Variants in PSMA8 observed in about 807,000 individuals in gnomAD.
PSMA8 encodes the protein proteasome 20S subunit alpha 8, also known as proteasome subunit alpha-type 8.
PSMA8 carries 18 observed loss-of-function variants against 32.4 expected under a neutral mutation model. The ratio of observed to expected loss-of-function variants is 0.56; its 90% confidence interval spans 0.38 to 0.82. The LOEUF is 0.82. Among genes scored for constraint, PSMA8 ranks in the 40% least tolerant of loss-of-function variants. The probability of loss-of-function intolerance (pLI) is 0.00; values close to 1 mark genes in which losing one functional copy is unlikely to be tolerated. For missense variants in PSMA8, 298 were observed against 300.7 expected (o/e 0.99, Z 0.07); for synonymous variants, 104 against 98.1 (o/e 1.06, Z -0.36).
At chr18:26,136,376 ATTTCCTAC>A (rs1175335443) in intron 1 of PSMA8, among the ~76,000 whole-genome samples, 2 of 152,108 alleles carry the variant, frequency 1.3e-5, no homozygotes, top group Non-Finnish European at 2.9e-5. Context: ...TTAGCTCTGT[ATTTCCTAC>A]TTTATCAAAT....
intron 4 of PSMA8, among the ~76,000 whole-genome samples, chr18:26,166,027 A>T (rs934818490): frequency 6.6e-5 from 10 of 152,166 alleles, no homozygotes; most frequent in African/African-American, 1.2e-4. Context: ...GCTTGAACCC[A>T]GGAGGCAGAG....
chr18:26,164,648 G>A (rs1244522837), intron 4 of PSMA8, among the ~76,000 whole-genome samples: 1 of 152,032 alleles, frequency 6.6e-6, no homozygotes, highest in Admixed American at 6.6e-5. Flanking sequence ...ACAAAATAAA[G>A]GCATGGAAAC....
intron 6 of PSMA8, among the ~76,000 whole-genome samples, chr18:26,186,916 A>T (rs1568072615): frequency 6.6e-6 from 1 of 152,244 alleles, no homozygotes; most frequent in Non-Finnish European, 1.5e-5. Context: ...AAACATTTGG[A>T]TTAAACTGCC....
intron 1 of PSMA8, among the ~76,000 whole-genome samples, chr18:26,142,784 A>C (rs976420901): frequency 2.6e-5 from 4 of 152,214 alleles, no homozygotes; most frequent in African/African-American, 9.6e-5. Context: ...AAGCGCAAAC[A>C]AGCTCTCTTA....
At chr18:26,157,055 G>A (rs1434145254) in intron 3 of PSMA8, among the ~76,000 whole-genome samples, 1 of 151,074 alleles carries the variant, frequency 6.6e-6, no homozygotes, top group East Asian at 1.9e-4. Flanking sequence ...AAAGTGGTGG[G>A]ATTACAGGCG....
intron 1 of PSMA8, among the ~76,000 whole-genome samples, chr18:26,143,710 T>C (rs961641107): frequency 1.3e-5 from 2 of 152,136 alleles, no homozygotes; most frequent in African/African-American, 4.8e-5. Context: ...AAAAATTGGA[T>C]AAATAATTAT....
chr18:26,191,639 G>GA (rs1351673603), intron 6 of PSMA8, among the ~76,000 whole-genome samples: 5 of 149,490 alleles, frequency 3.3e-5, no homozygotes, highest in Admixed American at 1.3e-4. Flanking sequence ...GACCCTGTCT[G>GA]AAAAAAAAAG....
At chr18:26,179,879 G>A (rs1042307823) in intron 6 of PSMA8, among the ~76,000 whole-genome samples, 14 of 150,470 alleles carry the variant, frequency 9.3e-5, no homozygotes, top group African/African-American at 2.7e-4. Flanking sequence ...GAGGTCAGGA[G>A]TTCAAGACCA....
At chr18:26,151,719 A>G in intron 2 of PSMA8, 139 bp from the exon 3 acceptor site, 1 of 635,796 alleles carries the variant, frequency 1.6e-6, no homozygotes, top group Non-Finnish European at 2.5e-6. Context: ...TTTATCTCAC[A>G]AGTCTTTTAA....
chr18:26,178,918 C>T lies in PSMA8; in HGVS notation c.566C>T (p.Ala189Val). ...TEDAIASDSE[A>V]IKLAIKALLE... Reference sequence around the variant, plus strand: ...GATGCCATAGCAAGTGACAGTGAAGCTATCAAGTTAGCAATAAAAGCTTTG... The same window carrying T: ...GATGCCATAGCAAGTGACAGTGAAGTTATCAAGTTAGCAATAAAAGCTTTG... The change falls in exon 5 of 7, where the codon GCT becomes GTT. Residue 189 changes from alanine (A) to valine (V), a missense_variant. Ala to Val is a moderately conservative substitution (Grantham distance 64). Transcript: ENST00000415576. 1 of 1,613,514 alleles carries T rather than the reference C, an allele frequency of 6.2e-7. No individual in the cohort carries two copies. The highest frequency in any genetic ancestry group is 1.7e-4 in the Middle Eastern group (1 of 6,058).
chr18:26,144,595 G>A lies in PSMA8; in HGVS notation c.139G>A (p.Val47Ile). 3 of 1,613,554 alleles carry A rather than the reference G, an allele frequency of 1.9e-6. No homozygotes were observed. The highest frequency in any genetic ancestry group is 1.1e-5 in the South Asian group (1 of 91,066). ...IRGTNIVVLG[V>I]EKKSVAKLQD... ...AGGTACCAATATAGTTGTTCTTGGG[G>A]TAGAAAAAAAATCTGTTGCCAAGCT... Residue 47 changes from valine to isoleucine, a missense_variant, in exon 2 of 7, where the codon GTA becomes ATA. Physicochemically the swap from Val to Ile is conservative, Grantham distance 29. Transcript: ENST00000415576.
intron 6 of PSMA8, among the ~76,000 whole-genome samples, chr18:26,183,876 A>G (rs2055332246): frequency 6.6e-6 from 1 of 150,658 alleles, no homozygotes; most frequent in African/African-American, 2.5e-5. Context: ...ATTTTAAGAA[A>G]TTCCCACAGC....
intron 3 of PSMA8, among the ~76,000 whole-genome samples, chr18:26,155,717 A>T (rs4800721): frequency 0.097 from 14,791 of 152,206 alleles, 1,108 homozygotes; most frequent in African/African-American, 0.19. Flanking sequence ...AATATAGAGG[A>T]AATGCTTTAG....
chr18:26,156,191 G>A (rs566789809), intron 3 of PSMA8, among the ~76,000 whole-genome samples: 13 of 152,230 alleles, frequency 8.5e-5, no homozygotes, highest in African/African-American at 2.4e-4. Context: ...ACTCCCATAC[G>A]CTGTTGGTGG....
intron 6 of PSMA8, among the ~76,000 whole-genome samples, chr18:26,180,021 C>T (rs12957044): frequency 0.089 from 13,439 of 151,486 alleles, 650 homozygotes; most frequent in African/African-American, 0.13. Context: ...GAGGCTGAGG[C>T]GGATGGATCA....
chr18:26,144,465 G>A lies in PSMA8; in HGVS notation c.103-94G>A, dbSNP rs1462690198. ...TTCTTGTTTTTATTGAATACTTAAG[G>A]AGAAGTCATTTCCCCTAAGTCATAT... On this transcript the variant is annotated intron_variant, in intron 1 of 6. Transcript: ENST00000415576. The A allele has an allele frequency of 3.9e-6, 4 of 1,030,814 alleles. No individual in the cohort carries two copies. The South Asian group carries it at 6.2e-5, about 16-fold the overall frequency. The allele number at this position is 1,030,814 out of a possible 1,614,324, so 63.9% of individuals were successfully genotyped here.
chr18:26,140,018 C>A, intron 1 of PSMA8: 1 of 702,606 alleles, frequency 1.4e-6, no homozygotes, highest in Non-Finnish European at 2.6e-6. Flanking sequence ...TCATAGATCT[C>A]CATACTTTAT....
At chr18:26,176,500 T>C (rs1289890129) in intron 4 of PSMA8, among the ~76,000 whole-genome samples, 2 of 152,224 alleles carry the variant, frequency 1.3e-5, no homozygotes, top group East Asian at 1.9e-4. Flanking sequence ...TGAAATATAA[T>C]GGCATAGAAA....
At chr18:26,182,062 G>C (rs2055316508) in intron 6 of PSMA8, among the ~76,000 whole-genome samples, 1 of 152,192 alleles carries the variant, frequency 6.6e-6, no homozygotes, top group Non-Finnish European at 1.5e-5. Context: ...TTCTGTGAAG[G>C]CTGAGAGGGG....
Sources: gnomAD v4.1 joint callset for allele counts (sites outside exome capture counted in the v4.1 genomes callset) on GRCh38, gnomAD v4.1.1 for gene constraint, MANE v1.5 for transcripts, NCBI Gene and HGNC (gene_info 2026-07-23, HGNC 2026-07-21) for gene names.